Variants in LOXHD1 observed in about 807,000 individuals in gnomAD.
LOXHD1 encodes the protein lipoxygenase homology domain-containing protein 1.
A neutral mutation model predicts 248.2 loss-of-function variants in LOXHD1; 205 were observed. The ratio of observed to expected loss-of-function variants is 0.83; its 90% confidence interval spans 0.74 to 0.93. The LOEUF is 0.93. Among genes scored for constraint, LOXHD1 ranks in the 40% least tolerant of loss-of-function variants. The pLI is 0.00. For synonymous variants in LOXHD1, 1,113 were observed against 1,162.8 expected (o/e 0.96, Z 0.87); for missense variants, 2,930 against 2,971.6 (o/e 0.99, Z 0.33).
Position 46,541,922 on chromosome 18 carries a change from A to C in LOXHD1, c.3767T>G (p.Phe1256Cys). ...GGCATCCACCTCTACCCAGTCTACA[A>C]ACCAGCCTGGGGCCTTGCCTAGAGA... ...HDNTGKAPGWFVDWVEVDAPS... is the reference protein window; with the variant it reads ...HDNTGKAPGWCVDWVEVDAPS... Residue 1256 changes from phenylalanine (F) to cysteine (C), a missense_variant, in exon 25 of 41, where the codon TTT (phenylalanine) becomes TGT (cysteine). Phe to Cys is a radical substitution (Grantham distance 205, BLOSUM62 -2). Transcript: ENST00000642948. 1.3e-6 allele frequency: 2 copies of C among 1,551,628 alleles called. No individual in the cohort carries two copies. Among genetic ancestry groups the C allele is most frequent in the Non-Finnish European group, 1.7e-6 (2 of 1,146,948 alleles).
At chr18:46,545,872 G>A (rs373838039) in intron 22 of LOXHD1, among the ~76,000 whole-genome samples, 5 of 151,500 alleles carry the variant, frequency 3.3e-5, no homozygotes, top group South Asian at 2.1e-4. Flanking sequence ...CTCGTGATCC[G>A]CCCGCCTCGG....
At chr18:46,563,410 T>C (rs1030713765) in intron 17 of LOXHD1, among the ~76,000 whole-genome samples, 185 bp from the exon 18 acceptor site, 6 of 152,064 alleles carry the variant, frequency 3.9e-5, no homozygotes, top group Admixed American at 2.6e-4. Flanking sequence ...GTAAACAAAG[T>C]GAAGCTTAGA....
intron 26 of LOXHD1, among the ~76,000 whole-genome samples, chr18:46,535,282 G>T (rs1190739789): frequency 1.3e-5 from 2 of 152,148 alleles, no homozygotes; most frequent in Non-Finnish European, 2.9e-5. Flanking sequence ...AGCATTGGTT[G>T]CAAGGACAAA....
At chr18:46,523,763 A>C (rs901366080) in intron 31 of LOXHD1, among the ~76,000 whole-genome samples, 1 of 152,016 alleles carries the variant, frequency 6.6e-6, no homozygotes, top group Non-Finnish European at 1.5e-5. Flanking sequence ...ATAGTGCTTA[A>C]GGAAAGGTAC....
Position 46,559,547 on chromosome 18 carries a change from A to G in LOXHD1, c.3117T>C (p.Asp1039=), listed in dbSNP as rs1568184171. The change falls in exon 20 of 41, where the codon GAT becomes GAC. Residue 1039 remains aspartate, a synonymous_variant. Transcript: ENST00000642948. ...CGTAGATGGTTAGGTAGACGTTAGCATCAGTGCCGGCCTTGGGCACATTCC... is the reference window on the plus strand; with the variant it reads ...CGTAGATGGTTAGGTAGACGTTAGCGTCAGTGCCGGCCTTGGGCACATTCC... ...VTGNVPKAGT[D]ANVYLTIYGE... is the part of the protein sequence containing the mutation. 10 of 1,551,970 alleles carry G rather than the reference A, an allele frequency of 6.4e-6. No individual in the cohort carries two copies. Among genetic ancestry groups the G allele is most frequent in the Non-Finnish European group, 8.7e-6 (10 of 1,147,052 alleles).
rs766288112 is a variant in LOXHD1, at chr18:46,559,527, A to G, written c.3137T>C (p.Ile1046Thr). 123 of 1,551,916 alleles carry G rather than the reference A, an allele frequency of 7.9e-5. No individual in the cohort carries two copies. In the South Asian group the frequency reaches 1.3e-3, roughly 17 times the overall value. Residue 1046 changes from isoleucine (I) to threonine (T), a missense_variant, in exon 20 of 41, where the codon ATC (isoleucine) becomes ACC (threonine). Physicochemically the swap from Ile to Thr is moderately conservative, Grantham distance 89. Transcript: ENST00000642948. ...CGTGTCTCCATACTCCTCGCCGTAG[A>G]TGGTTAGGTAGACGTTAGCATCAGT... is the stretch of plus-strand genomic sequence containing the variant. ...AGTDANVYLT[I>T]YGEEYGDTGE...
At chr18:46,493,999 C>T (rs957455992) in intron 37 of LOXHD1, among the ~76,000 whole-genome samples, 9 of 152,332 alleles carry the variant, frequency 5.9e-5, no homozygotes, top group African/African-American at 1.9e-4. Context: ...CTCATTATGG[C>T]ACCCAGCTTT....
intron 22 of LOXHD1, 88 bp downstream of exon 22, chr18:46,546,806 AG>A: frequency 7.1e-7 from 1 of 1,411,978 alleles, no homozygotes; most frequent in Non-Finnish European, 9.5e-7. Context: ...CAGAGCCCAC[AG>A]GGGAGGGAAG....
Position 46,524,716 on chromosome 18 carries a change from A to G in LOXHD1, c.4732T>C (p.Tyr1578His). The change falls in exon 30 of 41, where the codon TAC (tyrosine) becomes CAC (histidine). Residue 1578 changes from tyrosine to histidine, a missense_variant. Physicochemically the swap from Tyr to His is moderately conservative, Grantham distance 83 (BLOSUM62 2). Transcript: ENST00000642948. ...KEDGRLERLF[Y>H]EKEYTGDRSS... ...TATACCCCTTGGCTCACCTTCTCGT[A>G]AAAGAGCCTCTCGAGTCGCCCATCC... 3 of 1,551,720 alleles carry G rather than the reference A, an allele frequency of 1.9e-6. No individual in the cohort carries two copies. Among genetic ancestry groups the G allele is most frequent in the Non-Finnish European group, 2.6e-6 (3 of 1,146,998 alleles).
chr18:46,549,921 T>A (rs1367801630), intron 21 of LOXHD1, among the ~76,000 whole-genome samples: 1 of 152,206 alleles, frequency 6.6e-6, no homozygotes, highest in Non-Finnish European at 1.5e-5. Flanking sequence ...CTAAACATAT[T>A]CCCAGCTTTT....
intron 4 of LOXHD1, among the ~76,000 whole-genome samples, chr18:46,630,666 C>G (rs940709002): frequency 6.6e-6 from 1 of 152,182 alleles, no homozygotes; most frequent in Non-Finnish European, 1.5e-5. Flanking sequence ...GACTGAGTAG[C>G]CCTGCATTCT....
chr18:46,617,227 T>A (rs893842987), intron 5 of LOXHD1, among the ~76,000 whole-genome samples: 15 of 152,228 alleles, frequency 9.9e-5, no homozygotes, highest in African/African-American at 2.9e-4. Context: ...GTATTTTTTT[T>A]AAAATTTAGA....
intron 20 of LOXHD1, chr18:46,558,022 C>G (rs2143984659): frequency 1.0e-6 from 1 of 990,348 alleles, no homozygotes; most frequent in Non-Finnish European, 1.2e-6. Flanking sequence ...ACACACTGCT[C>G]CATGCACGGG....
At chr18:46,483,824 T>C in intron 39 of LOXHD1, 79 bp from the exon 40 acceptor site, 1 of 1,474,952 alleles carries the variant, frequency 6.8e-7, no homozygotes, top group Non-Finnish European at 9.1e-7. Flanking sequence ...GCCTGCTGCA[T>C]TCCAAGCAGT....
At chr18:46,612,971 G>A (rs1599049728) in intron 5 of LOXHD1, among the ~76,000 whole-genome samples, 1 of 152,108 alleles carries the variant, frequency 6.6e-6, no homozygotes, top group East Asian at 1.9e-4. Flanking sequence ...CACTGTTTTA[G>A]TTTTTAGAGA....
chr18:46,626,975 A>C (rs1371242504), intron 4 of LOXHD1, among the ~76,000 whole-genome samples: 1 of 152,242 alleles, frequency 6.6e-6, no homozygotes, highest in Non-Finnish European at 1.5e-5. Context: ...AGTGCTGCAT[A>C]AAAATCAGCT....
chr18:46,637,387 G>A (rs1366040920), intron 4 of LOXHD1, among the ~76,000 whole-genome samples: 3 of 152,188 alleles, frequency 2.0e-5, no homozygotes, highest in Non-Finnish European at 1.5e-5. Context: ...TTCTCATGAT[G>A]ACTTTTCAGA....
At chr18:46,497,425 T>A (rs1384828173) in intron 37 of LOXHD1, among the ~76,000 whole-genome samples, 2 of 152,116 alleles carry the variant, frequency 1.3e-5, no homozygotes, top group African/African-American at 4.8e-5. Context: ...GAAAAATGCA[T>A]CAGGAAAACT....
At chr18:46,506,203 C>T (rs762195817) in intron 36 of LOXHD1, among the ~76,000 whole-genome samples, 180 bp from the exon 37 acceptor site, 5 of 152,100 alleles carry the variant, frequency 3.3e-5, no homozygotes, top group Non-Finnish European at 7.4e-5. Context: ...CTCCAATTCT[C>T]TTCTTCATCT....
Sources: allele counts gnomAD v4.1 joint callset (sites outside exome capture counted in the v4.1 genomes callset), GRCh38; gene constraint gnomAD v4.1.1; transcripts MANE v1.5; gene names NCBI Gene and HGNC (gene_info 2026-07-23, HGNC 2026-07-21).